Variants in STEAP4 observed in about 807,000 individuals in gnomAD.
STEAP4 encodes metalloreductase STEAP4.
Under a neutral mutation model 43.6 loss-of-function variants are expected in STEAP4, and 36 were observed. That is an observed-to-expected ratio of 0.83 (90% confidence interval 0.63 to 1.09). STEAP4 has a LOEUF of 1.09. STEAP4 is among the 50% of genes least tolerant of loss of function. STEAP4 has a pLI of 0.00. For synonymous variants in STEAP4, 191 were observed against 196.7 expected (o/e 0.97, Z 0.24); for missense variants, 495 against 546.5 (o/e 0.91, Z 0.94).
rs567580913 is a variant in STEAP4, at chr7:88,278,272, G to A, written c.*1126C>T. 6.6e-6 allele frequency: 1 copy of A among 152,270 alleles called. No individual in the cohort carries two copies. The highest frequency in any genetic ancestry group is 1.5e-5 in the Non-Finnish European group (1 of 68,014). 9.4% of individuals were successfully genotyped at this position (152,270 alleles called of 1,614,324 possible). ...CCATCCTAAATTTCAGCAAGGATTT[G>A]AGAAAGATCCAAATTTCACATAATG... On this transcript the variant is annotated 3_prime_UTR_variant, in exon 5 of 5. Transcript: ENST00000380079.
At chr7:88,300,266 C>T (rs771754668) in intron 1 of STEAP4, among the ~76,000 whole-genome samples, 19 of 152,104 alleles carry the variant, frequency 1.2e-4, no homozygotes, top group South Asian at 2.1e-4. Flanking sequence ...TGGAGTGCAG[C>T]GGTGTGATCT....
intron 1 of STEAP4, among the ~76,000 whole-genome samples, chr7:88,288,426 T>G (rs1852777537): frequency 6.6e-6 from 1 of 152,152 alleles, no homozygotes; most frequent in Admixed American, 6.5e-5. Flanking sequence ...CACCTCAGCC[T>G]CCCAAAGTCC....
rs377763855 is a variant in STEAP4, at chr7:88,296,247, G to T, written c.-3+10545C>A. Among the ~76,000 whole-genome samples the T allele has an allele frequency of 1.1e-3, 165 of 152,164 alleles. 1 individual carries two copies. The highest frequency in any genetic ancestry group is 3.6e-3 in the African/African-American group (151 of 41,530). ...GTGAAGCCATTAATAAAATCATTCT[G>T]CCTCTTTCTCTTTTTGAGAATTCAG... On this transcript the variant is annotated intron_variant, in intron 1 of 4. Coordinates refer to ENST00000380079, the MANE Select transcript of STEAP4 (RefSeq NM_024636.4).
chr7:88,275,226 G>T lies in STEAP4; in HGVS notation c.*4172C>A, dbSNP rs963964863. ...CCTGCCTCAGCCTCCAGAGTAGCTG[G>T]GATTACAGGCATGCGCCACCATGCT... On this transcript the variant is annotated 3_prime_UTR_variant, in exon 5 of 5. Transcript: ENST00000380079. 2 of 152,288 alleles carry T rather than the reference G, an allele frequency of 1.3e-5. No homozygotes were observed. The highest frequency in any genetic ancestry group is 2.9e-5 in the Non-Finnish European group (2 of 68,202). 9.4% of individuals were successfully genotyped at this position (152,288 alleles called of 1,614,324 possible).
At chr7:88,294,069 G>A (rs1474348502) in intron 1 of STEAP4, among the ~76,000 whole-genome samples, 7 of 152,148 alleles carry the variant, frequency 4.6e-5, no homozygotes, top group Admixed American at 4.6e-4. Flanking sequence ...AGATGACTGT[G>A]CTAAAAAATT....
chr7:88,295,264 C>T (rs1444826133), intron 1 of STEAP4, among the ~76,000 whole-genome samples: 1 of 152,154 alleles, frequency 6.6e-6, no homozygotes, highest in Non-Finnish European at 1.5e-5. Flanking sequence ...TCCTAGCACC[C>T]TTTCCTGTCT....
chr7:88,291,273 C>T (rs939727588), intron 1 of STEAP4, among the ~76,000 whole-genome samples: 4 of 151,850 alleles, frequency 2.6e-5, no homozygotes, highest in African/African-American at 7.3e-5. Context: ...CACTTGAGGT[C>T]AGGAGCTCGA....
At chr7:88,304,424 T>A (rs2116040349) in intron 1 of STEAP4, 1 of 152,118 alleles carries the variant, frequency 6.6e-6, no homozygotes, top group African/African-American at 2.4e-5. Flanking sequence ...TGGCATAAAC[T>A]TACAACAAAA....
intron 1 of STEAP4, among the ~76,000 whole-genome samples, chr7:88,294,141 T>C: frequency 6.6e-6 from 1 of 152,034 alleles, no homozygotes; most frequent in East Asian, 1.9e-4. Context: ...AACCCAAAAA[T>C]ATAAAATCAG....
chr7:88,306,809 C>T lies in STEAP4; in HGVS notation c.-20G>A, dbSNP rs1302425084. On this transcript the variant is annotated 5_prime_UTR_variant, in exon 1 of 5. Coordinates refer to ENST00000380079, the MANE Select transcript of STEAP4 (RefSeq NM_024636.4). ...TGACCCACCTGAGGGAGAGGCGCTT[C>T]CAAGGAGGAAGCGTCCAGCGCCAAC... 2.0e-5 allele frequency: 3 copies of T among 152,384 alleles called. No individual in the cohort carries two copies. Among genetic ancestry groups the T allele is most frequent in the African/African-American group, 7.2e-5 (3 of 41,460 alleles). The allele number at this position is 152,384 out of a possible 1,614,324, so 9.4% of individuals were successfully genotyped here. A position where few individuals can be genotyped will look rare whatever the true frequency, so the allele number is the denominator to read the frequency against.
intron 1 of STEAP4, among the ~76,000 whole-genome samples, chr7:88,285,756 C>CA (rs371254467): frequency 0.052 from 4,072 of 77,710 alleles, 144 homozygotes; most frequent in African/African-American, 0.14. Flanking sequence ...GACTTTGTCT[C>CA]AAAAAAAAAA....
chr7:88,283,945 T>C lies in STEAP4; in HGVS notation c.325A>G (p.Lys109Glu). 6.2e-7 allele frequency: 1 copy of C among 1,614,154 alleles called. No individual in the cohort carries two copies. Among genetic ancestry groups the C allele is most frequent in the Non-Finnish European group, 8.5e-7 (1 of 1,180,014 alleles). ...TTAGATTCTGGATATTGATTGATTT[T>C]GAGGTTGTTGCTGATGTCTACCAAT... ...KILVDISNNL[K>E]INQYPESNAE... The change falls in exon 2 of 5, where the codon AAA becomes GAA. Residue 109 changes from lysine (K) to glutamate (E), a missense_variant. By Grantham distance (56) the Lys-to-Glu change is moderately conservative (BLOSUM62 1). Coordinates refer to ENST00000380079, the MANE Select transcript of STEAP4 (RefSeq NM_024636.4).
At chr7:88,298,052 A>G (rs919421161) in intron 1 of STEAP4, among the ~76,000 whole-genome samples, 2 of 152,082 alleles carry the variant, frequency 1.3e-5, no homozygotes, top group Non-Finnish European at 1.5e-5. Context: ...TGGGTACTCA[A>G]AGTATGGTTT....
chr7:88,271,984 CTT>C lies in STEAP4; in HGVS notation c.*7412_*7413del, dbSNP rs1354262376. ...TTCTCCTGTGAACTTTGTTCATACT[CTT>C]TGTATAGTTTCCAGCTGGTTGGTGT... On this transcript the variant is annotated 3_prime_UTR_variant, in exon 5 of 5. Coordinates refer to ENST00000380079, the MANE Select transcript of STEAP4 (RefSeq NM_024636.4). 31 of 152,264 alleles carry C rather than the reference CTT, an allele frequency of 2.0e-4. No individual in the cohort carries two copies. The highest frequency in any genetic ancestry group is 1.2e-4 in the Non-Finnish European group (8 of 68,030). 9.4% of individuals were successfully genotyped at this position (152,264 alleles called of 1,614,324 possible).
rs750091751 is a variant in STEAP4, at chr7:88,284,121, C to T, written c.149G>A (p.Arg50Gln). Residue 50 changes from arginine (R) to glutamine (Q), a missense_variant, in exon 2 of 5, where the codon CGA (arginine) becomes CAA (glutamine). By Grantham distance (43) the Arg-to-Gln change is conservative. Coordinates refer to ENST00000380079, the MANE Select transcript of STEAP4 (RefSeq NM_024636.4). ...CAGTAGGGTGGTCTTCTGGGGGTTT[C>T]GACTTCCAAAAACAACAGAATAACC... ...QCGYSVVFGS[R>Q]NPQKTTLLPS... 98 of 1,614,042 alleles carry T rather than the reference C, an allele frequency of 6.1e-5. No homozygotes were observed. The highest frequency in any genetic ancestry group is 7.5e-5 in the Non-Finnish European group (89 of 1,180,014).
At position 88,277,253 on chromosome 7, in the gene STEAP4, A is replaced by G. The variant is rs1466177491; in HGVS notation, c.*2145T>C. The G allele has an allele frequency of 6.6e-6, 1 of 152,322 alleles. No homozygotes were observed. Among genetic ancestry groups the G allele is most frequent in the African/African-American group, 2.4e-5 (1 of 41,578 alleles). 9.4% of individuals were successfully genotyped at this position (152,322 alleles called of 1,614,324 possible). A position where few individuals can be genotyped will look rare whatever the true frequency, so the allele number is the denominator to read the frequency against. On this transcript the variant is annotated 3_prime_UTR_variant, in exon 5 of 5. Coordinates refer to ENST00000380079, the MANE Select transcript of STEAP4 (RefSeq NM_024636.4). ...CCATGACTCTACTCAATGTCGTCCAACTTTTTGTATCCTTGCTTGGGTTTA... is the reference window on the plus strand; with the variant it reads ...CCATGACTCTACTCAATGTCGTCCAGCTTTTTGTATCCTTGCTTGGGTTTA...
At chr7:88,294,742 T>C (rs540710813) in intron 1 of STEAP4, among the ~76,000 whole-genome samples, 22 of 152,200 alleles carry the variant, frequency 1.4e-4, no homozygotes, top group Admixed American at 1.4e-3. Context: ...CCCCTGAAAT[T>C]TCATAAAGAT....
In STEAP4 at chr7:88,279,252, A is replaced by G; in HGVS notation, c.*146T>C. 1 of 680,264 alleles carries G rather than the reference A, an allele frequency of 1.5e-6. No individual in the cohort carries two copies. The highest frequency in any genetic ancestry group is 2.8e-5 in the Admixed American group (1 of 35,188). The allele number at this position is 680,264 out of a possible 1,614,324, so 42.1% of individuals were successfully genotyped here. A position where few individuals can be genotyped will look rare whatever the true frequency, so the allele number is the denominator to read the frequency against. On this transcript the variant is annotated 3_prime_UTR_variant, in exon 5 of 5. Coordinates refer to ENST00000380079, the MANE Select transcript of STEAP4 (RefSeq NM_024636.4). The stretch of plus-strand genomic sequence containing the variant: ...GTATGTCAGTCAATTTCTCAAAGAC[A>G]AGCAATGTTTCCCTCAGTCACGGTG...
chr7:88,287,689 G>A (rs1174366221), intron 1 of STEAP4, among the ~76,000 whole-genome samples: 4 of 152,154 alleles, frequency 2.6e-5, no homozygotes, highest in Non-Finnish European at 1.5e-5. Flanking sequence ...TCCATCCAGT[G>A]CAGGGTCTGC....
Sources: allele counts gnomAD v4.1 joint callset (sites outside exome capture counted in the v4.1 genomes callset), GRCh38; gene constraint gnomAD v4.1.1; transcripts MANE v1.5; gene names NCBI Gene and HGNC (gene_info 2026-07-23, HGNC 2026-07-21).